Variants in DNAH1 observed in about 807,000 individuals in gnomAD.
The protein encoded by DNAH1 is dynein axonemal heavy chain 1.
In DNAH1, 327 loss-of-function variants were observed where a neutral mutation model predicts 484.3. The observed-to-expected ratio is 0.68, with a 90% CI of 0.62 to 0.74. DNAH1 has a LOEUF of 0.74. Among genes scored for constraint, DNAH1 ranks in the 30% least tolerant of loss-of-function variants. DNAH1 has a pLI of 0.00. For synonymous variants in DNAH1, 2,192 were observed against 2,191.9 expected, an observed-to-expected ratio of 1.00 and a Z score of 0.00; for missense variants, 5,052 against 5,546.8, an observed-to-expected ratio of 0.91 and a Z score of 2.83.
the DNAH1 span, among the ~76,000 whole-genome samples, chr3:52,311,243 C>T: frequency 1.3e-5 from 2 of 152,204 alleles, no homozygotes; most frequent in African/African-American, 4.8e-5. Context: ...TACCTTGAGG[C>T]CCTGCGCCTC....
Position 52,386,802 on chromosome 3 carries a change from G to T in DNAH1, c.8952G>T (p.Gly2984=). 6.3e-7 allele frequency: 1 copy of T among 1,592,526 alleles called. No individual in the cohort carries two copies. Among genetic ancestry groups the T allele is most frequent in the Non-Finnish European group, 8.5e-7 (1 of 1,169,846 alleles). Residue 2984 remains glycine, a synonymous_variant, in exon 56 of 78, where the codon GGG becomes GGT. Coordinates refer to ENST00000420323, the MANE Select transcript of DNAH1 (RefSeq NM_015512.5). ...ATGACTACTGGGAGCCTGGCAAGGG[G>T]CTGCTGCAGGACCCGGGCCACTTCC... The part of the protein sequence containing the change: ...KVDDYWEPGK[G]LLQDPGHFLE...
intron 8 of DNAH1, among the ~76,000 whole-genome samples, chr3:52,344,101 A>G (rs1702048915): frequency 6.6e-6 from 1 of 152,206 alleles, no homozygotes; most frequent in African/African-American, 2.4e-5. Flanking sequence ...AGTGGCAGGC[A>G]TCTTCCACTG....
At chr3:52,345,846 G>A in intron 10 of DNAH1, 140 bp downstream of exon 10, 1 of 888,620 alleles carries the variant, frequency 1.1e-6, no homozygotes. Flanking sequence ...CTCAAAACCT[G>A]GCCTCAGCCT....
upstream of DNAH1, among the ~76,000 whole-genome samples, chr3:52,315,108 G>T (rs1291102674): frequency 6.6e-6 from 1 of 152,198 alleles, no homozygotes; most frequent in Non-Finnish European, 1.5e-5. Flanking sequence ...GGAGGCTTAT[G>T]TCGGGGAGGC....
chr3:52,372,454 C>T, intron 43 of DNAH1, 67 bp downstream of exon 43: 1 of 1,581,386 alleles, frequency 6.3e-7, no homozygotes, highest in Middle Eastern at 1.8e-4. Flanking sequence ...GCTGCTGTCC[C>T]ACCTCTCCAC....
rs375359194 is a variant in DNAH1, at chr3:52,393,402, C to T, written c.10543C>T (p.Arg3515Cys). Residue 3515 changes from arginine to cysteine, a missense_variant, in exon 66 of 78, where the codon CGC becomes TGC. By Grantham distance (180) the Arg-to-Cys change is radical. This residue lies in a region of DNAH1 where 2,929 missense variants were observed against 3,409.4 expected (regional missense o/e 0.86). Transcript: ENST00000420323. ...CTACAGCCTCTACAGCAACGTCTGCCGCAGCCTCTTTGAGAAGCACAAGCT... is the reference window on the plus strand; with the variant it reads ...CTACAGCCTCTACAGCAACGTCTGCTGCAGCCTCTTTGAGAAGCACAAGCT... Reference protein sequence around the residue: ...LTYSLYSNVCRSLFEKHKLMF... With the variant: ...LTYSLYSNVCCSLFEKHKLMF... 3.3e-5 allele frequency: 53 copies of T among 1,613,922 alleles called. No homozygotes were observed. The highest frequency in any genetic ancestry group is 2.8e-5 in the Non-Finnish European group (33 of 1,179,914).
intron 60 of DNAH1, among the ~76,000 whole-genome samples, chr3:52,389,979 G>A (rs1407098344): frequency 1.3e-5 from 2 of 152,202 alleles, no homozygotes; most frequent in African/African-American, 4.8e-5. Flanking sequence ...TGGTGTAGGG[G>A]CACACACCTG....
At position 52,370,185 on chromosome 3, in the gene DNAH1, C is replaced by T. The variant is rs866023654; in HGVS notation, c.6214C>T (p.Leu2072Phe). ...CAACTGCAACCTGACCATGAGCCTCCTCAAGCTGCTGGACTGCTTCTTCAA... is the reference window on the plus strand; with the variant it reads ...CAACTGCAACCTGACCATGAGCCTCTTCAAGCTGCTGGACTGCTTCTTCAA... The part of the protein sequence containing the change: ...STNCNLTMSL[L>F]KLLDCFFKPF... The change falls in exon 39 of 78, where the codon CTC becomes TTC. Residue 2072 changes from leucine to phenylalanine, a missense_variant. Physicochemically the swap from Leu to Phe is conservative, Grantham distance 22. Transcript: ENST00000420323. 2 of 1,614,024 alleles carry T rather than the reference C, an allele frequency of 1.2e-6. No individual in the cohort carries two copies. Among genetic ancestry groups the T allele is most frequent in the South Asian group, 2.2e-5 (2 of 91,084 alleles).
At chr3:52,331,113 G>A (rs762891487) in intron 6 of DNAH1, 35 bp from the exon 7 acceptor site, 90 of 1,557,054 alleles carry the variant, frequency 5.8e-5, no homozygotes, top group Middle Eastern at 3.4e-4. Context: ...CCCCCATGGC[G>A]GGGGGCACTG....
In DNAH1 at chr3:52,332,222, G is replaced by A. The variant is rs371745464; in HGVS notation, c.1114G>A (p.Ala372Thr). Residue 372 changes from alanine (A) to threonine (T), a missense_variant, in exon 8 of 78, where the codon GCA becomes ACA. Ala to Thr is a moderately conservative substitution (Grantham distance 58). This residue lies in a region of DNAH1 where 1,263 missense variants were observed against 1,218.8 expected (regional missense o/e 1.04). Coordinates refer to ENST00000420323, the MANE Select transcript of DNAH1 (RefSeq NM_015512.5). ...LFCAEDPCMFAQRVVQANALR... is the reference protein window; with the variant it reads ...LFCAEDPCMFTQRVVQANALR... The stretch of plus-strand genomic sequence containing the variant: ...CTGCGCTGAGGACCCTTGCATGTTC[G>A]CACAACGTGTGGTCCAGGCCAACGC... The A allele has an allele frequency of 2.4e-5, 39 of 1,612,778 alleles. No homozygotes were observed. The highest frequency in any genetic ancestry group is 2.0e-4 in the African/African-American group (15 of 74,904).
chr3:52,362,118 G>A lies in DNAH1; in HGVS notation c.4981-270G>A, dbSNP rs1702889768. 6.6e-6 allele frequency among the ~76,000 whole-genome samples: 1 copy of A among 152,236 alleles called. No individual in the cohort carries two copies. The highest frequency in any genetic ancestry group is 1.5e-5 in the Non-Finnish European group (1 of 68,036). ...AGTCAGGCTGAGCTTGGCTGGAGCT[G>A]GGGAATTGGGGGTGGAGCGAGTGGG... On this transcript the variant is annotated intron_variant, in intron 30 of 77. Coordinates refer to ENST00000420323, the MANE Select transcript of DNAH1 (RefSeq NM_015512.5). The surrounding 1 kb of genome is among the most constrained non-coding windows in gnomAD (Gnocchi z 5.1).
chr3:52,358,336 C>G lies in DNAH1; in HGVS notation c.4087-222C>G, dbSNP rs1328425011. ...GGCAGTCAGCCTCCTTCCCTAAAGC[C>G]TGCTTCATGCCGGGCCTGGGCTGGG... is the stretch of plus-strand genomic sequence containing the variant. On this transcript the variant is annotated intron_variant, in intron 24 of 77. Coordinates refer to ENST00000420323, the MANE Select transcript of DNAH1 (RefSeq NM_015512.5). The surrounding 1 kb of genome is among the most constrained non-coding windows in gnomAD (Gnocchi z 4.2). Among the ~76,000 whole-genome samples, 1 of 152,198 alleles carries G rather than the reference C, an allele frequency of 6.6e-6. No homozygotes were observed. Among genetic ancestry groups the G allele is most frequent in the East Asian group, 1.9e-4 (1 of 5,178 alleles).
chr3:52,400,411 C>T lies in DNAH1; in HGVS notation c.12763C>T (p.Arg4255Cys), dbSNP rs745425572. 3.1e-6 allele frequency: 5 copies of T among 1,614,046 alleles called. No individual in the cohort carries two copies. The highest frequency in any genetic ancestry group is 2.2e-5 in the South Asian group (2 of 91,084). The change falls in exon 78 of 78, where the codon CGT becomes TGT. Residue 4255 changes from arginine to cysteine, a missense_variant. Physicochemically the swap from Arg to Cys is radical, Grantham distance 180 (BLOSUM62 -3). This residue lies in a region of DNAH1 where 853 missense variants were observed against 899.0 expected (regional missense o/e 0.95). Coordinates refer to ENST00000420323, the MANE Select transcript of DNAH1 (RefSeq NM_015512.5). ...TCAGCCCCAGCGACACTGGATAAAGCGTGGTGTGGCCCTCATCTGTGCCCT... is the reference window on the plus strand; with the variant it reads ...TCAGCCCCAGCGACACTGGATAAAGTGTGGTGTGGCCCTCATCTGTGCCCT... ...THQPQRHWIKRGVALICALDY is the reference protein window; with the variant it reads ...THQPQRHWIKCGVALICALDY
At position 52,364,769 on chromosome 3, in the gene DNAH1, G is replaced by T; in HGVS notation, c.5331+45G>T. 1.2e-6 allele frequency: 2 copies of T among 1,606,460 alleles called. No individual in the cohort carries two copies. Among genetic ancestry groups the T allele is most frequent in the Non-Finnish European group, 1.7e-6 (2 of 1,175,214 alleles). Reference sequence around the variant, plus strand: ...GCTCCAGGAGTGGAACTCTGGGAGGGCTCCTGGGCAGCTGGAGGGCAGCTG... The same window carrying T: ...GCTCCAGGAGTGGAACTCTGGGAGGTCTCCTGGGCAGCTGGAGGGCAGCTG... On this transcript the variant is annotated intron_variant, in intron 33 of 77. Transcript: ENST00000420323. This position sits in a 1 kb window ranked among gnomAD's most constrained non-coding sequence, Gnocchi z 4.2.
At chr3:52,360,500 C>A in intron 28 of DNAH1, 76 bp downstream of exon 28, 2 of 1,254,142 alleles carry the variant, frequency 1.6e-6, no homozygotes, top group Non-Finnish European at 2.3e-6. Context: ...ATCCAGGGAC[C>A]ATGGCCACTC....
intron 1 of DNAH1, among the ~76,000 whole-genome samples, chr3:52,317,631 A>C (rs140387954): frequency 5.8e-4 from 88 of 152,226 alleles, no homozygotes; most frequent in Middle Eastern, 6.8e-3. Flanking sequence ...CACAGGAGGG[A>C]AGATGGGTGG....
rs774117012 is a variant in DNAH1 at position 52,398,092 on chromosome 3, T to C, written c.12019T>C (p.Trp4007Arg). 1.2e-6 allele frequency: 2 copies of C among 1,613,884 alleles called. No homozygotes were observed. Among genetic ancestry groups the C allele is most frequent in the South Asian group, 2.2e-5 (2 of 91,084 alleles). ...GGTGCCTGAGCCTATCAACTTGCAA[T>C]GGGTGATGGCCAAGTACCCAGTGCT... is the stretch of plus-strand genomic sequence containing the variant. ...LKVPEPINLQ[W>R]VMAKYPVLYE... Residue 4007 changes from tryptophan to arginine, a missense_variant, in exon 75 of 78, where the codon TGG becomes CGG. Transcript: ENST00000420323.
intron 38 of DNAH1, 27 bp downstream of exon 38, chr3:52,370,046 C>T: frequency 6.2e-7 from 1 of 1,613,438 alleles, no homozygotes; most frequent in Non-Finnish European, 8.5e-7. Flanking sequence ...GTATGTCTGA[C>T]CCTGGCAGGG....
At position 52,344,607 on chromosome 3, in the gene DNAH1, C is replaced by G. The variant is rs1478264138; in HGVS notation, c.1404C>G (p.Val468=). The part of the protein sequence containing the change: ...VSSKPETFSY[V]TLPKKEEEQV... Reference sequence around the variant, plus strand: ...CCAAGCCCGAGACCTTCTCCTACGTCACCCTCCCCAAGAAGGAGGAGGAGC... The same window carrying G: ...CCAAGCCCGAGACCTTCTCCTACGTGACCCTCCCCAAGAAGGAGGAGGAGC... The change falls in exon 9 of 78, where the codon GTC becomes GTG. Residue 468 remains valine, a synonymous_variant. Coordinates refer to ENST00000420323, the MANE Select transcript of DNAH1 (RefSeq NM_015512.5). 6.2e-7 allele frequency: 1 copy of G among 1,613,952 alleles called. No individual in the cohort carries two copies. The highest frequency in any genetic ancestry group is 8.5e-7 in the Non-Finnish European group (1 of 1,179,862).
Sources: allele counts gnomAD v4.1 joint callset (sites outside exome capture counted in the v4.1 genomes callset), GRCh38; gene constraint gnomAD v4.1.1; regional missense constraint gnomAD v4.1.1; non-coding constraint Gnocchi (gnomAD v3.1); transcripts MANE v1.5; gene names NCBI Gene and HGNC (gene_info 2026-07-23, HGNC 2026-07-21).